The following KIAA1958 variants were observed in gnomAD, a reference collection of about 807,000 sequenced individuals.
KIAA1958 encodes KIAA1958.
In KIAA1958, 14 loss-of-function variants were observed where a neutral mutation model predicts 47.2. The observed-to-expected ratio is 0.30, with a 90% CI of 0.20 to 0.46. The LOEUF is 0.46. Among genes scored for constraint, KIAA1958 ranks in the 20% least tolerant of loss-of-function variants. The pLI is 1.00. For synonymous variants in KIAA1958, 354 were observed against 353.3 expected (o/e 1.00, Z -0.02); for missense variants, 803 against 909.2 (o/e 0.88, Z 1.50).
intron 1 of KIAA1958, among the ~76,000 whole-genome samples, chr9:112,566,805 A>G (rs1419668838): frequency 6.6e-6 from 1 of 152,138 alleles, no homozygotes; most frequent in Non-Finnish European, 1.5e-5. Flanking sequence ...TGTTTTATTT[A>G]TATGTGCTAA....
Position 112,487,060 on chromosome 9 carries a change from T to C in KIAA1958, c.-83T>C. On this transcript the variant is annotated 5_prime_UTR_variant, in exon 1 of 4. Coordinates refer to ENST00000337530, the MANE Select transcript of KIAA1958 (RefSeq NM_133465.4). Reference sequence around the variant, plus strand: ...TCCCGTCCAGCCCGGGCTGCCCGGCTCTCGCAGGCCCCCCCGCGCCGACCG... The same window carrying C: ...TCCCGTCCAGCCCGGGCTGCCCGGCCCTCGCAGGCCCCCCCGCGCCGACCG... The C allele has an allele frequency of 9.0e-6, 2 of 221,874 alleles. No homozygotes were observed. The highest frequency in any genetic ancestry group is 1.8e-5 in the Non-Finnish European group (2 of 109,810). 13.7% of individuals were successfully genotyped at this position (221,874 alleles called of 1,614,324 possible).
intron 1 of KIAA1958, among the ~76,000 whole-genome samples, chr9:112,568,030 A>T (rs974828573): frequency 6.6e-6 from 1 of 151,698 alleles, no homozygotes; most frequent in Non-Finnish European, 1.5e-5. Flanking sequence ...TACTTATTTT[A>T]CATTTTTAAA....
intron 1 of KIAA1958, among the ~76,000 whole-genome samples, chr9:112,518,189 A>G (rs917061107): frequency 6.6e-6 from 1 of 152,196 alleles, no homozygotes; most frequent in African/African-American, 2.4e-5. Flanking sequence ...AAAAAATTGA[A>G]AAGGTTTGAA....
intron 1 of KIAA1958, among the ~76,000 whole-genome samples, chr9:112,531,257 GC>G (rs1215833143): frequency 6.6e-6 from 1 of 152,090 alleles, no homozygotes; most frequent in African/African-American, 2.4e-5. Flanking sequence ...GCGTGGTGGC[GC>G]ATGCCTGTAA....
At chr9:112,643,427 A>T (rs1255514706) in intron 2 of KIAA1958, among the ~76,000 whole-genome samples, 1 of 152,232 alleles carries the variant, frequency 6.6e-6, no homozygotes, top group African/African-American at 2.4e-5. Context: ...ATTTATGTAA[A>T]ACCTCTTGGC....
chr9:112,658,461 C>T (rs1837192692), intron 3 of KIAA1958, among the ~76,000 whole-genome samples: 1 of 152,020 alleles, frequency 6.6e-6, no homozygotes, highest in Non-Finnish European at 1.5e-5. Flanking sequence ...CAAAGAAAAC[C>T]AAGGGCCTTC....
intron 1 of KIAA1958, among the ~76,000 whole-genome samples, chr9:112,547,647 A>T (rs1269611515): frequency 5.3e-5 from 8 of 152,150 alleles, no homozygotes; most frequent in African/African-American, 1.9e-4. Context: ...CGCTGAAAGA[A>T]ATTGAAGTAT....
chr9:112,492,775 G>A (rs542542871), intron 1 of KIAA1958, among the ~76,000 whole-genome samples: 53 of 152,120 alleles, frequency 3.5e-4, no homozygotes, highest in African/African-American at 1.2e-3. Context: ...TTTGAGACAG[G>A]ATCTTTTTCT....
chr9:112,603,424 C>G (rs1266424846), intron 2 of KIAA1958, among the ~76,000 whole-genome samples: 1 of 152,162 alleles, frequency 6.6e-6, no homozygotes, highest in Non-Finnish European at 1.5e-5. Flanking sequence ...CCATGTCTTT[C>G]CCTTTGCTCG....
intron 2 of KIAA1958, among the ~76,000 whole-genome samples, chr9:112,603,236 C>G (rs1836165828): frequency 6.6e-6 from 1 of 152,076 alleles, no homozygotes; most frequent in Non-Finnish European, 1.5e-5. Flanking sequence ...GCACCTTATT[C>G]AAGTGTTTGG....
chr9:112,609,221 CCTGCTGTGCAGGTAA>C (rs1188934664), intron 2 of KIAA1958, among the ~76,000 whole-genome samples: 1 of 152,146 alleles, frequency 6.6e-6, no homozygotes, highest in Non-Finnish European at 1.5e-5. Flanking sequence ...TCGCAAGTTA[CCTGCTGTGCAGGTAA>C]CTGCTATCAA....
chr9:112,637,301 C>G (rs1271072709), intron 2 of KIAA1958, among the ~76,000 whole-genome samples: 1 of 152,116 alleles, frequency 6.6e-6, no homozygotes, highest in Non-Finnish European at 1.5e-5. Flanking sequence ...GAACATCTGT[C>G]TTTATTTTTT....
chr9:112,513,628 C>G (rs1179084328), intron 1 of KIAA1958, among the ~76,000 whole-genome samples: 1 of 129,044 alleles, frequency 7.7e-6, no homozygotes, highest in Non-Finnish European at 1.7e-5. Context: ...CGCCGCCCGA[C>G]CGCCGGGAGG....
In KIAA1958 at chr9:112,660,203, G is replaced by A. The variant is rs1396454491; in HGVS notation, c.*134G>A. On this transcript the variant is annotated 3_prime_UTR_variant, in exon 4 of 4. Coordinates refer to ENST00000337530, the MANE Select transcript of KIAA1958 (RefSeq NM_133465.4). ...TGGCGGCTCTCCCCTGGTGTGGCCT[G>A]CCCTCCCTTTGACTTGGGGTTTGCT... is the stretch of plus-strand genomic sequence containing the variant. 6 of 684,750 alleles carry A rather than the reference G, an allele frequency of 8.8e-6. No individual in the cohort carries two copies. The highest frequency in any genetic ancestry group is 1.5e-5 in the Non-Finnish European group (6 of 405,250). 42.4% of individuals were successfully genotyped at this position (684,750 alleles called of 1,614,324 possible).
At chr9:112,612,736 C>A (rs1357265480) in intron 2 of KIAA1958, among the ~76,000 whole-genome samples, 1 of 152,146 alleles carries the variant, frequency 6.6e-6, no homozygotes, top group Non-Finnish European at 1.5e-5. Context: ...AGGGCGGTAG[C>A]AATATAGCAG....
At chr9:112,630,848 A>G (rs1836696367) in intron 2 of KIAA1958, among the ~76,000 whole-genome samples, 2 of 152,258 alleles carry the variant, frequency 1.3e-5, no homozygotes. Flanking sequence ...AATAGAAACA[A>G]TGACCGTATT....
chr9:112,584,183 C>T (rs920031287), intron 2 of KIAA1958, among the ~76,000 whole-genome samples: 5 of 152,134 alleles, frequency 3.3e-5, no homozygotes, highest in Non-Finnish European at 7.4e-5. Context: ...CCAGCCCTGC[C>T]CCCTTCTTTT....
chr9:112,668,822 C>G lies in KIAA1958; in HGVS notation c.*8753C>G, dbSNP rs183621876. On this transcript the variant is annotated 3_prime_UTR_variant, in exon 4 of 4. Coordinates refer to ENST00000337530, the MANE Select transcript of KIAA1958 (RefSeq NM_133465.4). ...TCTTCTGGGTAGATTCCAAGTATAA[C>G]CTGTCCCAGGGTCCTCTTGCTCAGC... The G allele has an allele frequency of 6.6e-6, 1 of 152,196 alleles. No homozygotes were observed. Among genetic ancestry groups the G allele is most frequent in the Non-Finnish European group, 1.5e-5 (1 of 68,038 alleles). The allele number at this position is 152,196 out of a possible 1,614,324, so 9.4% of individuals were successfully genotyped here.
At chr9:112,561,547 A>G (rs1192676376) in intron 1 of KIAA1958, among the ~76,000 whole-genome samples, 1 of 152,108 alleles carries the variant, frequency 6.6e-6, no homozygotes, top group African/African-American at 2.4e-5. Context: ...TGAAAAGCCC[A>G]TATGATTTCT....
Sources: allele counts gnomAD v4.1 joint callset (sites outside exome capture counted in the v4.1 genomes callset), GRCh38; gene constraint gnomAD v4.1.1; transcripts MANE v1.5; gene names NCBI Gene and HGNC (gene_info 2026-07-23, HGNC 2026-07-21).